ADD1: variants seen among roughly 807,000 people sequenced by gnomAD.
ADD1 encodes the protein adducin 1.
A neutral mutation model predicts 80.5 loss-of-function variants in ADD1; 24 were observed. The ratio of observed to expected loss-of-function variants is 0.30; its 90% CI spans 0.22 to 0.42. The LOEUF is 0.42. ADD1 is among the 10% of genes least tolerant of loss of function. ADD1 has a pLI of 1.00. For synonymous variants in ADD1, 373 were observed against 393.8 expected (o/e 0.95, Z 0.63); for missense variants, 948 against 1,019.0 (o/e 0.93, Z 0.95).
chr4:2,875,947 C>T lies in ADD1; in HGVS notation c.32C>T (p.Thr11Ile). The T allele has an allele frequency of 6.2e-7, 1 of 1,611,852 alleles. No individual in the cohort carries two copies. Among genetic ancestry groups the T allele is most frequent in the African/African-American group, 1.3e-5 (1 of 74,920 alleles). The change falls in exon 2 of 16, where the codon ACC becomes ATC. Residue 11 changes from threonine to isoleucine, a missense_variant. Thr to Ile is a moderately conservative substitution (Grantham distance 89, BLOSUM62 -1). Coordinates refer to ENST00000683351, the MANE Select transcript of ADD1 (RefSeq NM_001354761.2). ...GGTGATTCTCGTGCTGCGGTGGTGA[C>T]CTCACCACCCCCGACCACAGCCCCT... MNGDSRAAVV[T>I]SPPPTTAPHK...
At chr4:2,878,727 C>T (rs1731754259) in intron 2 of ADD1, among the ~76,000 whole-genome samples, 1 of 152,090 alleles carries the variant, frequency 6.6e-6, no homozygotes, top group African/African-American at 2.4e-5. Flanking sequence ...GAGTTTGAGG[C>T]TGCAGTGAGC....
chr4:2,915,182 C>A, intron 14 of ADD1, 142 bp downstream of exon 14: 1 of 931,650 alleles, frequency 1.1e-6, no homozygotes, highest in South Asian at 1.9e-5. Context: ...ATCCAGTACT[C>A]ATTTCCAACC....
chr4:2,884,500 TTTTC>T lies in ADD1; in HGVS notation c.359-11_359-8del. The T allele has an allele frequency of 6.3e-7, 1 of 1,588,380 alleles. No individual in the cohort carries two copies. Among genetic ancestry groups the T allele is most frequent in the Non-Finnish European group, 8.6e-7 (1 of 1,162,868 alleles). On this transcript the variant is annotated splice_polypyrimidine_tract_variant and intron_variant, in intron 3 of 15. Coordinates refer to ENST00000683351, the MANE Select transcript of ADD1 (RefSeq NM_001354761.2). ...ACCACTGCACCTGGCTGAGTTTTGT[TTTTC>T]TTTATTTCAGGTCTTGGTATGGTGA...
At chr4:2,861,328 C>T (rs1168604469) in intron 1 of ADD1, among the ~76,000 whole-genome samples, 1 of 152,092 alleles carries the variant, frequency 6.6e-6, no homozygotes, top group African/African-American at 2.4e-5. Context: ...GGTCCTTGGC[C>T]TCCCAAAGTG....
intron 13 of ADD1, among the ~76,000 whole-genome samples, chr4:2,913,648 A>G (rs1738454542): frequency 6.6e-6 from 1 of 151,356 alleles, no homozygotes; most frequent in Admixed American, 6.6e-5. Flanking sequence ...CTAGGTGGTA[A>G]CCCCTCAGCC....
At chr4:2,902,189 G>A (rs1301189384) in intron 9 of ADD1, 2 of 152,210 alleles carry the variant, frequency 1.3e-5, no homozygotes, top group Non-Finnish European at 2.9e-5. Context: ...TGATGTTGAT[G>A]AGTCCTGGGT....
At position 2,926,551 on chromosome 4, in the gene ADD1, T is replaced by C; in HGVS notation, c.2047+439T>C. On this transcript the variant is annotated intron_variant, in intron 15 of 15. Transcript: ENST00000683351. This position sits in a 1 kb window ranked among gnomAD's most constrained non-coding sequence, Gnocchi z 5.0. ...ATGTCTCTCGTGAAGCCCGTGGCCC[T>C]GCCTTTCTTCTTCTGTAACCTGATG... 1.4e-6 allele frequency: 2 copies of C among 1,450,496 alleles called. No individual in the cohort carries two copies. The highest frequency in any genetic ancestry group is 9.6e-7 in the Non-Finnish European group (1 of 1,045,956). The allele number at this position is 1,450,496 out of a possible 1,614,324, so 89.9% of individuals were successfully genotyped here.
At chr4:2,907,884 G>A in intron 11 of ADD1, 40 bp downstream of exon 11, 1 of 1,508,548 alleles carries the variant, frequency 6.6e-7, no homozygotes, top group Non-Finnish European at 9.2e-7. Context: ...CTTGGGTGTG[G>A]GATTGGAAGG....
chr4:2,917,654 A>T (rs1739309312), intron 14 of ADD1, among the ~76,000 whole-genome samples: 1 of 152,042 alleles, frequency 6.6e-6, no homozygotes, highest in East Asian at 1.9e-4. Flanking sequence ...TAGGATTTTT[A>T]TGGTTTTAGG....
At chr4:2,871,851 A>G (rs936740879) in intron 1 of ADD1, among the ~76,000 whole-genome samples, 4 of 152,222 alleles carry the variant, frequency 2.6e-5, no homozygotes, top group African/African-American at 9.6e-5. Context: ...ATCAAAATCT[A>G]GCTAGTGTTC....
rs568370807 is a variant in ADD1, at chr4:2,925,561, AT to A, written c.1949-451del. Among the ~76,000 whole-genome samples, 43 of 152,352 alleles carry A rather than the reference AT, an allele frequency of 2.8e-4. No individual in the cohort carries two copies. The South Asian group carries it at 8.7e-3, about 31-fold the overall frequency. ...GTATTACAGTTGCCAAGTTTAAATT[AT>A]TGGGATAAAATGCCCTACCACAGAA... On this transcript the variant is annotated intron_variant, in intron 14 of 15. Coordinates refer to ENST00000683351, the MANE Select transcript of ADD1 (RefSeq NM_001354761.2).
intron 1 of ADD1, among the ~76,000 whole-genome samples, chr4:2,874,712 T>C (rs189995441): frequency 6.6e-6 from 1 of 152,212 alleles, no homozygotes; most frequent in Admixed American, 6.5e-5. Flanking sequence ...AAAAAAACAC[T>C]AATTTCTTCA....
intron 6 of ADD1, among the ~76,000 whole-genome samples, chr4:2,896,014 A>G (rs1435997743): frequency 2.6e-5 from 4 of 151,846 alleles, no homozygotes; most frequent in Non-Finnish European, 5.9e-5. Flanking sequence ...CAGCCTCCCA[A>G]GTAGCTGGGA....
chr4:2,927,351 C>G (rs1050221135), intron 15 of ADD1, among the ~76,000 whole-genome samples: 11 of 152,216 alleles, frequency 7.2e-5, no homozygotes, highest in Non-Finnish European at 2.9e-5. Context: ...AGGTAAAGCA[C>G]TGAGAGTTTG....
intron 9 of ADD1, 140 bp downstream of exon 9, chr4:2,899,575 G>A (rs548869479): frequency 1.5e-5 from 14 of 907,116 alleles, no homozygotes; most frequent in South Asian, 1.1e-4. Context: ...AAGCACTAGG[G>A]TTGTTTAACT....
chr4:2,896,013 A>G (rs1735148982), intron 6 of ADD1, among the ~76,000 whole-genome samples: 1 of 151,080 alleles, frequency 6.6e-6, no homozygotes, highest in South Asian at 2.1e-4. Context: ...TCAGCCTCCC[A>G]AGTAGCTGGG....
At chr4:2,883,210 C>T (rs1034529530) in intron 3 of ADD1, among the ~76,000 whole-genome samples, 16 of 152,112 alleles carry the variant, frequency 1.1e-4, no homozygotes, top group Non-Finnish European at 1.6e-4. Flanking sequence ...GAGAAACTTC[C>T]CTTCAGTTCT....
chr4:2,923,175 C>T (rs1298451764), intron 14 of ADD1, among the ~76,000 whole-genome samples: 1 of 152,222 alleles, frequency 6.6e-6, no homozygotes, highest in Non-Finnish European at 1.5e-5. Flanking sequence ...TTCCAGGCGC[C>T]ACTGGGGTAT....
chr4:2,918,510 T>C (rs1577718882), intron 14 of ADD1, among the ~76,000 whole-genome samples: 1 of 152,304 alleles, frequency 6.6e-6, no homozygotes, highest in Non-Finnish European at 1.5e-5. Flanking sequence ...TATATTTTTT[T>C]CTCTTGCCTG....
Sources: allele counts gnomAD v4.1 joint callset (sites outside exome capture counted in the v4.1 genomes callset), GRCh38; gene constraint gnomAD v4.1.1; non-coding constraint Gnocchi (gnomAD v3.1); transcripts MANE v1.5; gene names NCBI Gene and HGNC (gene_info 2026-07-23, HGNC 2026-07-21).